Variants in SUFU observed in about 807,000 individuals in gnomAD.
SUFU encodes suppressor of fused homolog.
A neutral mutation model predicts 58.9 loss-of-function variants in SUFU; 7 were observed. The ratio of observed to expected loss-of-function variants is 0.12; its 90% CI spans 0.07 to 0.22. The LOEUF (loss-of-function observed/expected upper bound fraction) is 0.22, where lower values mean the gene tolerates loss of function less well. Among genes scored for constraint, SUFU ranks in the 10% least tolerant of loss-of-function variants. The pLI is 1.00. For synonymous variants in SUFU, 232 were observed against 254.8 expected (o/e 0.91, Z 0.85); for missense variants, 451 against 641.3 (o/e 0.70, Z 3.20).
In SUFU at chr10:102,542,530, C is replaced by T. The variant is rs139127743; in HGVS notation, c.318-7440C>T. Reference sequence around the variant, plus strand: ...ACTCAGGTGATCCACCTGCTTTGGCCTCCCAAAGTTCTGGGATTACAGATG... The same window carrying T: ...ACTCAGGTGATCCACCTGCTTTGGCTTCCCAAAGTTCTGGGATTACAGATG... On this transcript the variant is annotated intron_variant, in intron 2 of 11. Coordinates refer to ENST00000369902, the MANE Select transcript of SUFU (RefSeq NM_016169.4). Among the ~76,000 whole-genome samples the T allele has an allele frequency of 4.5e-4, 68 of 152,094 alleles. No homozygotes were observed. In the East Asian group the frequency reaches 0.013, roughly 29 times the overall value.
intron 2 of SUFU, among the ~76,000 whole-genome samples, chr10:102,548,072 G>T (rs1004020805): frequency 6.6e-6 from 1 of 152,072 alleles, no homozygotes; most frequent in African/African-American, 2.4e-5. Context: ...GATCGCTTGA[G>T]CCCCCAGGAG....
chr10:102,608,900 T>C (rs1216092164), intron 8 of SUFU, among the ~76,000 whole-genome samples: 1 of 152,242 alleles, frequency 6.6e-6, no homozygotes, highest in African/African-American at 2.4e-5. Flanking sequence ...CCTGTTTTTC[T>C]AGAGGCTTCT....
At chr10:102,605,751 G>C (rs534600648) in intron 8 of SUFU, among the ~76,000 whole-genome samples, 1 of 152,078 alleles carries the variant, frequency 6.6e-6, no homozygotes, top group Non-Finnish European at 1.5e-5. Flanking sequence ...CAGAGCTTTC[G>C]TCAGCAATCA....
chr10:102,589,725 C>T (rs377580235), intron 3 of SUFU, among the ~76,000 whole-genome samples: 1 of 152,030 alleles, frequency 6.6e-6, no homozygotes, highest in Non-Finnish European at 1.5e-5. Context: ...GGATTAGAGG[C>T]GTGAGCCACC....
intron 3 of SUFU, among the ~76,000 whole-genome samples, chr10:102,556,773 G>A (rs1382466432): frequency 6.7e-6 from 1 of 150,256 alleles, no homozygotes; most frequent in African/African-American, 2.5e-5. Context: ...GGAAGGAAGG[G>A]AAGAAGGAAG....
chr10:102,556,554 C>T (rs985760622), intron 3 of SUFU, among the ~76,000 whole-genome samples: 6 of 151,858 alleles, frequency 4.0e-5, no homozygotes, highest in African/African-American at 1.2e-4. Flanking sequence ...ACTAGCCTGA[C>T]CAACATGGAG....
chr10:102,602,142 A>G (rs767036063), intron 8 of SUFU, among the ~76,000 whole-genome samples: 29 of 152,214 alleles, frequency 1.9e-4, no homozygotes, highest in Non-Finnish European at 3.7e-4. Flanking sequence ...ATGTGCTGCC[A>G]TTCATTTATC....
intron 1 of SUFU, 103 bp downstream of exon 1, chr10:102,504,437 G>A: frequency 6.5e-7 from 1 of 1,546,454 alleles, no homozygotes; most frequent in Non-Finnish European, 8.7e-7. Flanking sequence ...GTAGAGAATG[G>A]TTAAAGCACT....
intron 2 of SUFU, among the ~76,000 whole-genome samples, chr10:102,527,781 A>G (rs2062628615): frequency 6.6e-6 from 1 of 152,112 alleles, no homozygotes; most frequent in Non-Finnish European, 1.5e-5. Flanking sequence ...GTTTCTTCCC[A>G]TTGCCCTGTT....
intron 8 of SUFU, among the ~76,000 whole-genome samples, chr10:102,609,365 G>C (rs977172556): frequency 2.0e-5 from 3 of 152,186 alleles, no homozygotes; most frequent in Non-Finnish European, 4.4e-5. Context: ...TAGGTCTGTA[G>C]AGAATACTTC....
intron 3 of SUFU, among the ~76,000 whole-genome samples, chr10:102,550,890 C>T (rs1463957717): frequency 2.0e-5 from 3 of 152,004 alleles, no homozygotes; most frequent in East Asian, 1.9e-4. Flanking sequence ...TATAGGAATG[C>T]GCCACCACAC....
At chr10:102,571,645 G>A (rs916770823) in intron 3 of SUFU, among the ~76,000 whole-genome samples, 10 of 152,176 alleles carry the variant, frequency 6.6e-5, no homozygotes, top group African/African-American at 1.9e-4. Flanking sequence ...AGTCAAGATT[G>A]CGCCACTGCA....
intron 8 of SUFU, among the ~76,000 whole-genome samples, chr10:102,603,423 G>A (rs1471112958): frequency 6.6e-6 from 1 of 152,150 alleles, no homozygotes; most frequent in East Asian, 1.9e-4. Flanking sequence ...CTGAGGCTGG[G>A]AACTCTTAGG....
intron 2 of SUFU, among the ~76,000 whole-genome samples, chr10:102,529,900 G>A (rs1158230736): frequency 2.7e-5 from 4 of 148,478 alleles, no homozygotes; most frequent in South Asian, 2.1e-4. Context: ...AGCCGAGATC[G>A]CGCCACTGCA....
At chr10:102,621,839 G>C (rs1382462033) in intron 10 of SUFU, among the ~76,000 whole-genome samples, 1 of 152,224 alleles carries the variant, frequency 6.6e-6, no homozygotes, top group Non-Finnish European at 1.5e-5. Flanking sequence ...AGTGGGCATT[G>C]TCAGCCACTC....
intron 8 of SUFU, among the ~76,000 whole-genome samples, chr10:102,604,499 A>T (rs956795437): frequency 2.0e-5 from 3 of 152,180 alleles, no homozygotes; most frequent in African/African-American, 7.2e-5. Flanking sequence ...TTCTCAGTCC[A>T]AACGCTGCAT....
intron 3 of SUFU, among the ~76,000 whole-genome samples, chr10:102,563,852 C>G (rs1033840124): frequency 6.6e-6 from 1 of 151,016 alleles, no homozygotes. Context: ...GTGGCTCTTA[C>G]GCAGAAGGGA....
At chr10:102,607,922 AAAAGAAAAG>A (rs1376490693) in intron 8 of SUFU, among the ~76,000 whole-genome samples, 2 of 151,510 alleles carry the variant, frequency 1.3e-5, no homozygotes, top group African/African-American at 4.9e-5. Flanking sequence ...AACAAAAAAA[AAAAGAAAAG>A]AAAGAAAAGA....
intron 2 of SUFU, among the ~76,000 whole-genome samples, chr10:102,524,181 A>G (rs1174138203): frequency 6.6e-6 from 1 of 151,982 alleles, no homozygotes; most frequent in East Asian, 1.9e-4. Flanking sequence ...AAAGTTATAT[A>G]TATTTGTATA....
Sources: gnomAD v4.1 joint callset for allele counts (sites outside exome capture counted in the v4.1 genomes callset) on GRCh38, gnomAD v4.1.1 for gene constraint, MANE v1.5 for transcripts, NCBI Gene and HGNC (gene_info 2026-07-23, HGNC 2026-07-21) for gene names.